The following PRDM5 variants were observed in gnomAD, a reference collection of about 807,000 sequenced individuals.
The protein encoded by PRDM5 is PR/SET domain 5.
Under a neutral mutation model 81.2 loss-of-function variants are expected in PRDM5, and 56 were observed. The ratio of observed to expected loss-of-function variants is 0.69; its 90% confidence interval spans 0.56 to 0.86. The LOEUF (loss-of-function observed/expected upper bound fraction) is 0.86. Among genes scored for constraint, PRDM5 ranks in the 40% least tolerant of loss-of-function variants. PRDM5 has a pLI of 0.00. For missense variants in PRDM5, 697 were observed against 770.1 expected, an observed-to-expected ratio of 0.91 and a Z score of 1.12; for synonymous variants, 267 against 256.4, an observed-to-expected ratio of 1.04 and a Z score of -0.39.
At chr4:120,727,360 G>T (rs1169173335) in intron 14 of PRDM5, among the ~76,000 whole-genome samples, 1 of 152,092 alleles carries the variant, frequency 6.6e-6, no homozygotes, top group East Asian at 1.9e-4. Flanking sequence ...ATAAGGTAAT[G>T]AAAAAGGTTT....
chr4:120,687,123 T>C (rs1391887496), downstream of PRDM5, among the ~76,000 whole-genome samples: 1 of 152,098 alleles, frequency 6.6e-6, no homozygotes, highest in African/African-American at 2.4e-5. Flanking sequence ...TAGAAGAGTA[T>C]TATTGTAACC....
intron 7 of PRDM5, chr4:120,812,454 T>C (rs890057986): frequency 1.8e-5 from 3 of 162,694 alleles, no homozygotes; most frequent in Non-Finnish European, 2.7e-5. Flanking sequence ...GTCTTTTGGA[T>C]AGAAGCCATT....
At chr4:120,747,686 A>G (rs1743342515) in intron 14 of PRDM5, among the ~76,000 whole-genome samples, 1 of 152,204 alleles carries the variant, frequency 6.6e-6, no homozygotes, top group African/African-American at 2.4e-5. Flanking sequence ...ATCAGGGATA[A>G]GAAAGTTCAT....
At chr4:120,707,665 GA>G (rs887149632) in intron 15 of PRDM5, among the ~76,000 whole-genome samples, 2 of 151,208 alleles carry the variant, frequency 1.3e-5, no homozygotes, top group Non-Finnish European at 3.0e-5. Context: ...ATCAAATAGA[GA>G]AAAAAATGCA....
At chr4:120,699,185 TATATATATATATATATATA>T (rs1560889766) in intron 15 of PRDM5, among the ~76,000 whole-genome samples, 6 of 114,310 alleles carry the variant, frequency 5.2e-5, no homozygotes, top group East Asian at 2.5e-4. Flanking sequence ...TATATATATA[TATATATATATATATATATA>T]TTTCAGATGT....
chr4:120,785,223 A>G (rs1016222888), intron 10 of PRDM5, 132 bp from the exon 11 acceptor site: 2 of 702,608 alleles, frequency 2.8e-6, no homozygotes, highest in African/African-American at 3.5e-5. Flanking sequence ...TTCTAGTGCC[A>G]TTCTTCCACC....
At chr4:120,711,436 C>T (rs1299772901) in intron 14 of PRDM5, among the ~76,000 whole-genome samples, 3 of 150,874 alleles carry the variant, frequency 2.0e-5, no homozygotes, top group Non-Finnish European at 4.4e-5. Context: ...GTAGCTGGTA[C>T]TACAGGCACC....
chr4:120,854,553 C>T (rs1265326545), intron 2 of PRDM5, among the ~76,000 whole-genome samples: 1 of 152,122 alleles, frequency 6.6e-6, no homozygotes, highest in African/African-American at 2.4e-5. Context: ...TTTCATGCTA[C>T]ATCTGAACAA....
At chr4:120,722,319 A>C (rs1251292285) in intron 14 of PRDM5, among the ~76,000 whole-genome samples, 1 of 152,106 alleles carries the variant, frequency 6.6e-6, no homozygotes, top group African/African-American at 2.4e-5. Context: ...AGAGCAGAAC[A>C]AAAAATAAGG....
At chr4:120,832,713 A>T (rs749657769) in intron 3 of PRDM5, among the ~76,000 whole-genome samples, 3 of 152,240 alleles carry the variant, frequency 2.0e-5, no homozygotes, top group Non-Finnish European at 4.4e-5. Context: ...TTCCTTTTGA[A>T]TTAGTAAGAC....
chr4:120,732,159 A>AC (rs1489983711), intron 14 of PRDM5, among the ~76,000 whole-genome samples: 15 of 152,318 alleles, frequency 9.8e-5, no homozygotes, highest in Middle Eastern at 3.4e-3. Context: ...GTAGCTGAAC[A>AC]TAAAAAAGGG....
At chr4:120,751,103 G>A (rs1167696429) in intron 14 of PRDM5, among the ~76,000 whole-genome samples, 1 of 152,106 alleles carries the variant, frequency 6.6e-6, no homozygotes, top group African/African-American at 2.4e-5. Flanking sequence ...AAGTGCAGTG[G>A]CACAGTCATA....
chr4:120,874,553 G>T (rs1579073139), intron 2 of PRDM5, among the ~76,000 whole-genome samples: 2 of 151,886 alleles, frequency 1.3e-5, no homozygotes, highest in Middle Eastern at 3.4e-3. Context: ...AAAACTCTTA[G>T]TTCACTAAGA....
chr4:120,695,263 C>T lies in PRDM5; in HGVS notation c.1741G>A (p.Ala581Thr), dbSNP rs759782529. 3.0e-5 allele frequency: 49 copies of T among 1,613,084 alleles called. No individual in the cohort carries two copies. Among genetic ancestry groups the T allele is most frequent in the Admixed American group, 1.8e-4 (11 of 59,866 alleles). Residue 581 changes from alanine to threonine, a missense_variant, in exon 16 of 16, where the codon GCT (alanine) becomes ACT (threonine). Physicochemically the swap from Ala to Thr is moderately conservative, Grantham distance 58. Transcript: ENST00000264808. The stretch of plus-strand genomic sequence containing the variant: ...ATCAGCATTTTCTTCAGGCTAAAAG[C>T]CAAATCACAAACCTAGAAAAGACCC... ...KPFQCDVCDL[A>T]FSLKKMLIRH...
intron 2 of PRDM5, among the ~76,000 whole-genome samples, chr4:120,903,734 G>A (rs1021538330): frequency 1.4e-4 from 22 of 152,168 alleles, no homozygotes; most frequent in Non-Finnish European, 1.2e-4. Flanking sequence ...TACTGTTCTC[G>A]TGGTAGTGAA....
At chr4:120,760,515 C>CAT (rs1745453032) in intron 13 of PRDM5, among the ~76,000 whole-genome samples, 1 of 152,032 alleles carries the variant, frequency 6.6e-6, no homozygotes, top group Non-Finnish European at 1.5e-5. Context: ...ATAATATTTA[C>CAT]ATATATACAC....
intron 14 of PRDM5, among the ~76,000 whole-genome samples, chr4:120,725,911 C>A (rs960762854): frequency 6.6e-6 from 1 of 152,048 alleles, no homozygotes; most frequent in Non-Finnish European, 1.5e-5. Context: ...GATCTCTCAT[C>A]TCGTATCTAA....
At chr4:120,708,685 G>T (rs1408502616) in intron 15 of PRDM5, among the ~76,000 whole-genome samples, 1 of 152,052 alleles carries the variant, frequency 6.6e-6, no homozygotes, top group African/African-American at 2.4e-5. Flanking sequence ...AGGGTGACAG[G>T]GTAGAGAACA....
At chr4:120,796,924 C>T (rs1238500031) in intron 10 of PRDM5, among the ~76,000 whole-genome samples, 2 of 152,162 alleles carry the variant, frequency 1.3e-5, no homozygotes, top group East Asian at 3.9e-4. Flanking sequence ...TATAATACAT[C>T]AACTAAAATC....
Sources: gnomAD v4.1 joint callset for allele counts (sites outside exome capture counted in the v4.1 genomes callset) on GRCh38, gnomAD v4.1.1 for gene constraint, MANE v1.5 for transcripts, NCBI Gene and HGNC (gene_info 2026-07-23, HGNC 2026-07-21) for gene names.